PARM1: variants seen among roughly 807,000 people sequenced by gnomAD.
PARM1 encodes WSC4, cell wall integrity and stress response component 4 homolog.
A neutral mutation model predicts 24.6 loss-of-function variants in PARM1; 14 were observed. That is an observed-to-expected ratio of 0.57 (90% CI 0.38 to 0.89). The LOEUF is 0.89. Ranked by LOEUF, PARM1 falls within the 40% of genes least tolerant of loss-of-function variation. The probability of loss-of-function intolerance (pLI) is 0.00; values close to 1 mark genes in which losing one functional copy is unlikely to be tolerated. For synonymous variants in PARM1, 179 were observed against 156.6 expected, an observed-to-expected ratio of 1.14 and a Z score of -1.07; for missense variants, 362 against 380.4, an observed-to-expected ratio of 0.95 and a Z score of 0.40.
chr4:75,005,586 C>A (rs1287975537), intron 1 of PARM1, among the ~76,000 whole-genome samples: 1 of 152,212 alleles, frequency 6.6e-6, no homozygotes, highest in Non-Finnish European at 1.5e-5. Context: ...CATGTCCCAA[C>A]AATCAGCCCC....
At chr4:75,009,168 C>T (rs1722825112) in intron 1 of PARM1, among the ~76,000 whole-genome samples, 2 of 152,188 alleles carry the variant, frequency 1.3e-5, no homozygotes, top group African/African-American at 4.8e-5. Context: ...GGAGGTCTGT[C>T]CTCCTCTTTA....
At chr4:75,030,033 T>C (rs778140920) in intron 2 of PARM1, among the ~76,000 whole-genome samples, 10 of 152,190 alleles carry the variant, frequency 6.6e-5, no homozygotes, top group Admixed American at 2.0e-4. Flanking sequence ...TGGCCATGAA[T>C]AGAAATGACC....
intron 1 of PARM1, among the ~76,000 whole-genome samples, chr4:75,009,703 A>C (rs1184213154): frequency 2.0e-5 from 3 of 152,126 alleles, no homozygotes; most frequent in African/African-American, 7.2e-5. Flanking sequence ...TTCATGAATA[A>C]GGTTCTTGGG....
intron 2 of PARM1, among the ~76,000 whole-genome samples, chr4:75,025,649 G>A (rs17000104): frequency 0.034 from 5,128 of 152,140 alleles, 307 homozygotes; most frequent in African/African-American, 0.12. Flanking sequence ...TACAGCTGAC[G>A]TGCCCCCATG....
intron 1 of PARM1, among the ~76,000 whole-genome samples, chr4:74,935,837 T>A (rs1721171151): frequency 6.6e-6 from 1 of 152,044 alleles, no homozygotes; most frequent in African/African-American, 2.4e-5. Context: ...CGGGTATATA[T>A]AAATATATTT....
intron 1 of PARM1, among the ~76,000 whole-genome samples, chr4:74,954,997 T>G (rs1490736935): frequency 6.6e-6 from 1 of 152,186 alleles, no homozygotes; most frequent in African/African-American, 2.4e-5. Flanking sequence ...AGTTTCCTTC[T>G]AAAAGTGTTT....
intron 1 of PARM1, among the ~76,000 whole-genome samples, chr4:74,959,759 C>G (rs745963914): frequency 9.9e-5 from 15 of 152,078 alleles, no homozygotes; most frequent in Non-Finnish European, 2.1e-4. Flanking sequence ...ATAGCACTTA[C>G]AAAACATAAA....
rs890398962 is a variant in PARM1 at position 75,039,814 on chromosome 4, T to C, written c.848+5853T>C. On this transcript the variant is annotated intron_variant, in intron 3 of 3. Coordinates refer to ENST00000307428, the MANE Select transcript of PARM1 (RefSeq NM_015393.4). ...ATATGTTTCAGATATGTTGCCCTGT[T>C]TCAGATATATTGCCTTTGTAATTTT... is the stretch of plus-strand genomic sequence containing the variant. Among the ~76,000 whole-genome samples, 3 of 152,232 alleles carry C rather than the reference T, an allele frequency of 2.0e-5. 1 individual carries two copies. The highest frequency in any genetic ancestry group is 2.0e-4 in the Admixed American group (3 of 15,290).
intron 1 of PARM1, among the ~76,000 whole-genome samples, chr4:74,983,405 A>C (rs1419974765): frequency 2.0e-5 from 3 of 152,170 alleles, no homozygotes; most frequent in Non-Finnish European, 4.4e-5. Flanking sequence ...TCTGTGGATG[A>C]CTCAAGGTCA....
intron 1 of PARM1, among the ~76,000 whole-genome samples, chr4:74,943,167 T>C (rs1721347047): frequency 6.6e-6 from 1 of 152,182 alleles, no homozygotes; most frequent in African/African-American, 2.4e-5. Flanking sequence ...GCCAACACCA[T>C]ATTCCCAGTG....
chr4:74,951,881 A>G (rs907803697), intron 1 of PARM1, among the ~76,000 whole-genome samples: 1 of 152,226 alleles, frequency 6.6e-6, no homozygotes, highest in Non-Finnish European at 1.5e-5. Context: ...TATTCTGAAT[A>G]GTGCTGCAAT....
intron 1 of PARM1, among the ~76,000 whole-genome samples, chr4:74,975,365 G>A (rs1722123161): frequency 6.6e-6 from 1 of 152,176 alleles, no homozygotes; most frequent in African/African-American, 2.4e-5. Flanking sequence ...CAAATAATAG[G>A]ATGTGAAGCT....
chr4:74,985,045 A>G (rs1488160870), intron 1 of PARM1, among the ~76,000 whole-genome samples: 1 of 152,186 alleles, frequency 6.6e-6, no homozygotes, highest in East Asian at 1.9e-4. Flanking sequence ...AAAGTAGACA[A>G]TGAGATTCAA....
At chr4:74,987,967 G>C (rs921730060) in intron 1 of PARM1, among the ~76,000 whole-genome samples, 3 of 152,212 alleles carry the variant, frequency 2.0e-5, no homozygotes, top group Admixed American at 1.3e-4. Flanking sequence ...TGTGTGTCAT[G>C]TGAGGCCCTG....
At chr4:74,952,645 G>A (rs1173446894) in intron 1 of PARM1, among the ~76,000 whole-genome samples, 1 of 152,128 alleles carries the variant, frequency 6.6e-6, no homozygotes, top group Non-Finnish European at 1.5e-5. Flanking sequence ...TCTGCATATG[G>A]CTAGCCAGTT....
intron 1 of PARM1, among the ~76,000 whole-genome samples, chr4:74,944,488 A>G (rs1560771395): frequency 6.6e-6 from 1 of 152,134 alleles, no homozygotes; most frequent in African/African-American, 2.4e-5. Flanking sequence ...GAGGCCCAGC[A>G]GAGAGCTGCG....
intron 2 of PARM1, among the ~76,000 whole-genome samples, chr4:75,014,065 G>A (rs1485822924): frequency 6.6e-6 from 1 of 152,196 alleles, no homozygotes; most frequent in African/African-American, 2.4e-5. Flanking sequence ...GGGTGGTCCT[G>A]TGAGAGGTGA....
chr4:74,943,006 G>A (rs1560770949), intron 1 of PARM1, among the ~76,000 whole-genome samples: 1 of 152,148 alleles, frequency 6.6e-6, no homozygotes, highest in Non-Finnish European at 1.5e-5. Context: ...ACTACCAGAA[G>A]CACATAGTAG....
At position 74,933,122 on chromosome 4, in the gene PARM1, G is replaced by A. The variant is rs1384380764; in HGVS notation, c.-206G>A. ...CGGGCGGCTGGGATGGAGCAGAAGAGCGCGGAGCACCGGAGGGCACGCAGC... is the reference window on the plus strand; with the variant it reads ...CGGGCGGCTGGGATGGAGCAGAAGAACGCGGAGCACCGGAGGGCACGCAGC... On this transcript the variant is annotated 5_prime_UTR_variant, in exon 1 of 4. Transcript: ENST00000307428. The A allele has an allele frequency of 3.8e-6, 2 of 528,780 alleles. No homozygotes were observed. The highest frequency in any genetic ancestry group is 6.6e-6 in the Non-Finnish European group (2 of 302,702). 32.8% of individuals were successfully genotyped at this position (528,780 alleles called of 1,614,324 possible).
Sources: allele counts gnomAD v4.1 joint callset (sites outside exome capture counted in the v4.1 genomes callset), GRCh38; gene constraint gnomAD v4.1.1; transcripts MANE v1.5; gene names NCBI Gene and HGNC (gene_info 2026-07-23, HGNC 2026-07-21).